The following ZNF398 variants were observed in gnomAD, a reference collection of about 807,000 sequenced individuals.
The protein encoded by ZNF398 is zinc finger protein 398.
Under a neutral mutation model 41.9 loss-of-function variants are expected in ZNF398, and 18 were observed. That is an observed-to-expected ratio of 0.43 (90% confidence interval 0.30 to 0.64). ZNF398 has a LOEUF of 0.64. Among genes scored for constraint, ZNF398 ranks in the 30% least tolerant of loss-of-function variants. The pLI is 0.14. For synonymous variants in ZNF398, 260 were observed against 308.8 expected (o/e 0.84, Z 1.66); for missense variants, 669 against 822.8 (o/e 0.81, Z 2.29).
At chr7:149,178,588 C>A in intron 5 of ZNF398, 60 bp from the exon 6 acceptor site, 1 of 1,413,532 alleles carries the variant, frequency 7.1e-7, no homozygotes, top group Non-Finnish European at 9.7e-7. Flanking sequence ...GGTAGGAATG[C>A]ATGAGAGTTG....
At position 149,175,422 on chromosome 7, in the gene ZNF398, G is replaced by A. The variant is rs554002658; in HGVS notation, c.662-1046G>A. ...GCTGTTTTGGTACTGATCAGATGAG[G>A]CATGTTGTGTGCAAAGCCGATATTG... On this transcript the variant is annotated intron_variant, in intron 4 of 5. Transcript: ENST00000475153. Among the ~76,000 whole-genome samples the A allele has an allele frequency of 3.3e-5, 5 of 152,154 alleles. No homozygotes were observed. The South Asian group carries it at 1.0e-3, about 32-fold the overall frequency.
intron 1 of ZNF398, among the ~76,000 whole-genome samples, chr7:149,127,235 T>C (rs980999196): frequency 1.3e-5 from 2 of 152,056 alleles, no homozygotes; most frequent in African/African-American, 4.8e-5. Flanking sequence ...GTCCTAGTCA[T>C]GTTTTAGGTG....
Position 149,180,782 on chromosome 7 carries a change from C to G in ZNF398, c.*981C>G, listed in dbSNP as rs767123042. On this transcript the variant is annotated 3_prime_UTR_variant, in exon 6 of 6. Coordinates refer to ENST00000475153, the MANE Select transcript of ZNF398 (RefSeq NM_170686.3). ...TCAGCAACAAAGATCACAGCACTTT[C>G]CAGAAGCATGGAGCTTCAGAAAGTG... is the stretch of plus-strand genomic sequence containing the variant. 5 of 152,184 alleles carry G rather than the reference C, an allele frequency of 3.3e-5. No individual in the cohort carries two copies. The highest frequency in any genetic ancestry group is 7.4e-5 in the Non-Finnish European group (5 of 68,020). 9.4% of individuals were successfully genotyped at this position (152,184 alleles called of 1,614,324 possible). A position where few individuals can be genotyped will look rare whatever the true frequency, so the allele number is the denominator to read the frequency against.
rs146675534 is a variant in ZNF398, at chr7:149,133,119, CT to C, written c.-490+4188del. ...AGTGCAACCTGTTTTATCAGTAAGGCTTTTTTTTTTTTTCTTGATAGAGTTT... is the reference window on the plus strand; with the variant it reads ...AGTGCAACCTGTTTTATCAGTAAGGCTTTTTTTTTTTTCTTGATAGAGTTT... On this transcript the variant is annotated intron_variant, in intron 2 of 6. Transcript: ENST00000426851. 5.2e-3 allele frequency among the ~76,000 whole-genome samples: 740 copies of C among 143,028 alleles called. 2 individuals carry two copies. The highest frequency in any genetic ancestry group is 0.01 in the African/African-American group (406 of 39,250). 93.8% of individuals were successfully genotyped at this position (143,028 alleles called of 152,430 possible).
Position 149,137,307 on chromosome 7 carries a change from G to C in ZNF398, c.-490+8363G>C, listed in dbSNP as rs543164801. ...TCATGATTACTGTAGCTTTGGAGGA[G>C]TGTTGAGAGTAGACATCCTTGCCTT... On this transcript the variant is annotated intron_variant, in intron 2 of 6. Transcript: ENST00000426851. 2.9e-3 allele frequency among the ~76,000 whole-genome samples: 444 copies of C among 152,324 alleles called. 3 individuals carry two copies. Among genetic ancestry groups the C allele is most frequent in the African/African-American group, 0.01 (426 of 41,578 alleles).
At position 149,162,057 on chromosome 7, in the gene ZNF398, G is replaced by A. The variant is rs147918612; in HGVS notation, c.421-4101G>A. 8.3e-4 allele frequency among the ~76,000 whole-genome samples: 127 copies of A among 152,216 alleles called. 1 individual carries two copies. Among genetic ancestry groups the A allele is most frequent in the Middle Eastern group, 3.4e-3 (1 of 294 alleles). ...TTATTTATATATTTTTCAAGACAGGGTCTTGCTCTCGCCTGGGCTGGAGTG... is the reference window on the plus strand; with the variant it reads ...TTATTTATATATTTTTCAAGACAGGATCTTGCTCTCGCCTGGGCTGGAGTG... On this transcript the variant is annotated intron_variant, in intron 2 of 5. Coordinates refer to ENST00000475153, the MANE Select transcript of ZNF398 (RefSeq NM_170686.3).
chr7:149,178,657 T>C lies in ZNF398; in HGVS notation c.785T>C (p.Leu262Pro), dbSNP rs540300612. 2.5e-6 allele frequency: 4 copies of C among 1,612,532 alleles called. No homozygotes were observed. The highest frequency in any genetic ancestry group is 1.7e-5 in the Admixed American group (1 of 59,626). ...VYKSTYADEE[L>P]VIKAEGLARS... The stretch of plus-strand genomic sequence containing the variant: ...GAGTCTTTTCTTTCAGATGAAGAGC[T>C]TGTCATCAAAGCTGAAGGCCTTGCT... The change falls in exon 6 of 6, where the codon CTT becomes CCT. Residue 262 changes from leucine to proline, a missense_variant. Leu to Pro is a moderately conservative substitution (Grantham distance 98). This residue lies in a region of ZNF398 where 290 missense variants were observed against 292.9 expected (regional missense o/e 0.99). Coordinates refer to ENST00000475153, the MANE Select transcript of ZNF398 (RefSeq NM_170686.3).
intron 2 of ZNF398, among the ~76,000 whole-genome samples, chr7:149,159,043 A>G (rs1291204644): frequency 6.7e-6 from 1 of 148,266 alleles, no homozygotes; most frequent in African/African-American, 2.5e-5. Flanking sequence ...CAGTGGCGTG[A>G]TCTCGGCTCA....
chr7:149,130,166 G>A (rs1165289425), intron 2 of ZNF398, among the ~76,000 whole-genome samples: 1 of 152,104 alleles, frequency 6.6e-6, no homozygotes, highest in African/African-American at 2.4e-5. Flanking sequence ...CATGATCTCG[G>A]CTCACTGCAA....
At chr7:149,141,177 T>C (rs1826815956) in intron 2 of ZNF398, among the ~76,000 whole-genome samples, 1 of 152,098 alleles carries the variant, frequency 6.6e-6, no homozygotes, top group Non-Finnish European at 1.5e-5. Flanking sequence ...TGATAAATCA[T>C]CTTTAAATCA....
intron 2 of ZNF398, 116 bp downstream of exon 2, chr7:149,154,456 C>T: frequency 8.3e-7 from 1 of 1,203,232 alleles, no homozygotes; most frequent in Non-Finnish European, 1.1e-6. Flanking sequence ...TAAAATATCT[C>T]AGTCTGAAAG....
intron 2 of ZNF398, among the ~76,000 whole-genome samples, chr7:149,137,685 A>T (rs1826742115): frequency 6.6e-6 from 1 of 152,002 alleles, no homozygotes; most frequent in Admixed American, 6.6e-5. Context: ...TGGCATGTAG[A>T]TACTTTTTAT....
intron 2 of ZNF398, among the ~76,000 whole-genome samples, chr7:149,139,395 G>A (rs115711510): frequency 0.018 from 2,735 of 152,134 alleles, 73 homozygotes; most frequent in African/African-American, 0.063. Context: ...TTAAATTTAG[G>A]TATTCTAAAT....
intron 2 of ZNF398, among the ~76,000 whole-genome samples, chr7:149,130,109 T>A (rs1251435751): frequency 1.3e-5 from 2 of 152,060 alleles, no homozygotes; most frequent in South Asian, 4.1e-4. Flanking sequence ...TATTTATTTA[T>A]TTTTGAGATG....
intron 4 of ZNF398, among the ~76,000 whole-genome samples, chr7:149,167,767 C>T (rs1397724795): frequency 6.6e-6 from 1 of 151,562 alleles, no homozygotes; most frequent in Non-Finnish European, 1.5e-5. Context: ...CCCGCCACCA[C>T]GTCCGGATAA....
intron 4 of ZNF398, among the ~76,000 whole-genome samples, chr7:149,171,137 C>T (rs1016165679): frequency 1.2e-4 from 18 of 150,832 alleles, no homozygotes; most frequent in Non-Finnish European, 8.9e-5. Context: ...CATGAGCCAC[C>T]GCGCCTGGCC....
chr7:149,166,235 A>T lies in ZNF398; in HGVS notation c.498A>T (p.Glu166Asp), dbSNP rs777659131. Residue 166 changes from glutamate to aspartate, a missense_variant, in exon 3 of 6, where the codon GAA becomes GAT. By Grantham distance (45) the Glu-to-Asp change is conservative. Transcript: ENST00000475153. The part of the protein sequence containing the change: ...EWEKLEEWQK[E>D]LYKNIMKGNY... ...AAAAATTAGAAGAATGGCAAAAGGA[A>T]CTTTACAAGAATATCATGAAGGGCA... 4.3e-6 allele frequency: 7 copies of T among 1,614,026 alleles called. No homozygotes were observed. In the Admixed American group the frequency reaches 1.2e-4, roughly 27 times the overall value.
At chr7:149,166,077 TA>T in intron 2 of ZNF398, 80 bp from the exon 3 acceptor site, 1 of 1,453,770 alleles carries the variant, frequency 6.9e-7, no homozygotes, top group Non-Finnish European at 9.3e-7. Context: ...GTAAAAAAAA[TA>T]AAAGGAACTA....
At position 149,149,884 on chromosome 7, in the gene ZNF398, G is replaced by A. The variant is rs372952500; in HGVS notation, c.24+2118G>A. Among the ~76,000 whole-genome samples the A allele has an allele frequency of 2.6e-5, 4 of 152,166 alleles. No individual in the cohort carries two copies. In the East Asian group the frequency reaches 5.8e-4, roughly 22 times the overall value. On this transcript the variant is annotated intron_variant, in intron 1 of 5. Transcript: ENST00000475153. Reference sequence around the variant, plus strand: ...TTTCATACTAAGTCTTCAAAGTCTCGTGTATTTTATACTCATAGCACATCT... The same window carrying A: ...TTTCATACTAAGTCTTCAAAGTCTCATGTATTTTATACTCATAGCACATCT...
Sources: allele counts gnomAD v4.1 joint callset (sites outside exome capture counted in the v4.1 genomes callset), GRCh38; gene constraint gnomAD v4.1.1; regional missense constraint gnomAD v4.1.1; transcripts MANE v1.5; gene names NCBI Gene and HGNC (gene_info 2026-07-23, HGNC 2026-07-21).